CACNA1B: variants seen among roughly 807,000 people sequenced by gnomAD.
CACNA1B encodes voltage-dependent N-type calcium channel subunit alpha-1B.
CACNA1B carries 70 observed loss-of-function variants against 247.2 expected under a neutral mutation model. That is an observed-to-expected ratio of 0.28 (90% CI 0.23 to 0.35). CACNA1B has a LOEUF of 0.35. Among genes scored for constraint, CACNA1B ranks in the 10% least tolerant of loss-of-function variants. The pLI, the probability that CACNA1B is intolerant of heterozygous loss-of-function variation, is 1.00. For synonymous variants in CACNA1B, 1,231 were observed against 1,294.4 expected, an observed-to-expected ratio of 0.95 and a Z score of 1.05; for missense variants, 2,367 against 3,197.4, an observed-to-expected ratio of 0.74 and a Z score of 6.26.
chr9:137,991,170 A>G (rs1043717346), intron 15 of CACNA1B, among the ~76,000 whole-genome samples: 22 of 152,218 alleles, frequency 1.4e-4, no homozygotes, highest in Non-Finnish European at 2.5e-4. Context: ...GTGAAATTCA[A>G]CTTAAAGAAA....
chr9:138,058,036 C>A lies in CACNA1B; in HGVS notation c.4107-13C>A. The A allele has an allele frequency of 1.9e-6, 3 of 1,611,150 alleles. No homozygotes were observed. In the South Asian group the frequency reaches 3.3e-5, roughly 18 times the overall value. On this transcript the variant is annotated splice_polypyrimidine_tract_variant and intron_variant, in intron 27 of 46. Coordinates refer to ENST00000371372, the MANE Select transcript of CACNA1B (RefSeq NM_000718.4). This position sits in a 1 kb window ranked among gnomAD's most constrained non-coding sequence, Gnocchi z 4.7. ...TGGGGGTTCCCCTGACACTTGCTCT[C>A]CTCTTTGCCCAGGGTGCTGAAACAC...
chr9:138,043,962 G>C, intron 21 of CACNA1B, 62 bp downstream of exon 21: 5 of 1,583,810 alleles, frequency 3.2e-6, no homozygotes, highest in Non-Finnish European at 4.3e-6. Context: ...ATGACCCGTG[G>C]GATCTCAGTA....
intron 3 of CACNA1B, chr9:137,892,156 CCCTTG>C (rs1263404355): frequency 2.2e-6 from 1 of 456,960 alleles, no homozygotes; most frequent in Non-Finnish European, 4.4e-6. Flanking sequence ...CAGGCTCATT[CCCTTG>C]AACGACTGGA....
chr9:138,118,484 G>C (rs1179998711), intron 43 of CACNA1B, among the ~76,000 whole-genome samples, 168 bp from the exon 44 acceptor site: 15 of 150,088 alleles, frequency 1.0e-4, no homozygotes, highest in African/African-American at 3.4e-4. Context: ...AACAGGGATG[G>C]GGGGTGTGTG....
At chr9:137,894,336 A>G (rs1275664421) in intron 3 of CACNA1B, among the ~76,000 whole-genome samples, 1 of 134,328 alleles carries the variant, frequency 7.4e-6, no homozygotes, top group Non-Finnish European at 1.5e-5. Context: ...ATTCTGATAG[A>G]TATGTCGTGA....
intron 6 of CACNA1B, among the ~76,000 whole-genome samples, chr9:137,934,372 T>C (rs1031068129): frequency 2.0e-5 from 3 of 152,170 alleles, no homozygotes; most frequent in Non-Finnish European, 4.4e-5. Flanking sequence ...GATCCCTCTT[T>C]CCATGTTTTA....
chr9:137,931,406 C>T lies in CACNA1B; in HGVS notation c.966+13975C>T, dbSNP rs142179531. 3.6e-3 allele frequency among the ~76,000 whole-genome samples: 554 copies of T among 152,078 alleles called. 2 individuals carry two copies. The highest frequency in any genetic ancestry group is 0.01 in the Middle Eastern group (3 of 294). On this transcript the variant is annotated intron_variant, in intron 6 of 46. Transcript: ENST00000371372. ...TCAGGTACTTTCCATTTTTCGTCTG[C>T]GATACAGTGGAATGGGGGGCGTTGC...
At position 138,063,444 on chromosome 9, in the gene CACNA1B, T is replaced by G. The variant is rs371118834; in HGVS notation, c.4668+3707T>G. 6.5e-4 allele frequency among the ~76,000 whole-genome samples: 99 copies of G among 152,206 alleles called. 2 individuals carry two copies. The highest frequency in any genetic ancestry group is 2.2e-3 in the African/African-American group (91 of 41,456). On this transcript the variant is annotated intron_variant, in intron 31 of 46. Coordinates refer to ENST00000371372, the MANE Select transcript of CACNA1B (RefSeq NM_000718.4). The stretch of plus-strand genomic sequence containing the variant: ...AGGAAGTCAAGGCTGCAGTGAGCTA[T>G]GATCGCACCACTGCACTCCAGCCTG...
Position 138,121,828 on chromosome 9 carries a change from T to C in CACNA1B, c.6849T>C (p.Ala2283=). ...AGGACACTCTCACTTTCGAGGAGGC[T>C]GTGGCCACCAACTCGGGCCGCTCCT... ...LPEDTLTFEE[A]VATNSGRSSR... Residue 2283 remains alanine, a synonymous_variant, in exon 47 of 47, where the codon GCT becomes GCC. Coordinates refer to ENST00000371372, the MANE Select transcript of CACNA1B (RefSeq NM_000718.4). The surrounding 1 kb of genome is among the most constrained non-coding windows in gnomAD (Gnocchi z 6.8). 1 of 1,613,342 alleles carries C rather than the reference T, an allele frequency of 6.2e-7. No homozygotes were observed. Among genetic ancestry groups the C allele is most frequent in the Non-Finnish European group, 8.5e-7 (1 of 1,179,860 alleles).
At chr9:138,069,068 G>C (rs1053943026) in intron 31 of CACNA1B, among the ~76,000 whole-genome samples, 17 of 152,230 alleles carry the variant, frequency 1.1e-4, no homozygotes, top group African/African-American at 4.1e-4. Flanking sequence ...AAGCTCAGCT[G>C]TCCCCTGGCC....
chr9:138,094,143 T>A (rs1212663608), intron 36 of CACNA1B, among the ~76,000 whole-genome samples: 5 of 151,588 alleles, frequency 3.3e-5, no homozygotes, highest in Non-Finnish European at 7.4e-5. Flanking sequence ...CTTGAAGACG[T>A]TATGTTAGGT....
At chr9:138,115,769 T>G in intron 42 of CACNA1B, 90 bp downstream of exon 42, 1 of 1,353,694 alleles carries the variant, frequency 7.4e-7, no homozygotes, top group Non-Finnish European at 1.0e-6. Flanking sequence ...TCAACCTCCC[T>G]GGCCCTCACT....
In CACNA1B at chr9:138,053,934, T is replaced by G; in HGVS notation, c.3896T>G (p.Ile1299Ser). Residue 1299 changes from isoleucine (I) to serine (S), a missense_variant, in exon 26 of 47, where the codon ATT (isoleucine) becomes AGT (serine). Transcript: ENST00000371372. ...CTCTTCATGTTCATATTTGCCGTCA[T>G]TGCGGTGCAGCTCTTCAAAGGGAAG... ...YMLFMFIFAV[I>S]AVQLFKGKFF... The G allele has an allele frequency of 6.2e-7, 1 of 1,613,784 alleles. No individual in the cohort carries two copies. Among genetic ancestry groups the G allele is most frequent in the Non-Finnish European group, 8.5e-7 (1 of 1,179,686 alleles).
rs983938228 is a variant in CACNA1B at position 137,968,820 on chromosome 9, T to G, written c.1334-2563T>G. Among the ~76,000 whole-genome samples the G allele has an allele frequency of 3.9e-5, 6 of 152,252 alleles. No individual in the cohort carries two copies. The East Asian group carries it at 1.2e-3, about 29-fold the overall frequency. ...GTCAGGCCCTATTCTCAGCAGTACT[T>G]CACTGTGTCATCATTCATAGGTTAA... On this transcript the variant is annotated intron_variant, in intron 10 of 46. Transcript: ENST00000371372.
chr9:137,918,706 C>T (rs1363279257), intron 6 of CACNA1B, among the ~76,000 whole-genome samples: 1 of 152,138 alleles, frequency 6.6e-6, no homozygotes, highest in African/African-American at 2.4e-5. Context: ...GTGCCTCATG[C>T]GTTCATGGAG....
intron 3 of CACNA1B, among the ~76,000 whole-genome samples, chr9:137,905,388 A>G (rs938698367): frequency 6.6e-6 from 1 of 152,114 alleles, no homozygotes; most frequent in Non-Finnish European, 1.5e-5. Flanking sequence ...TCAACTTATG[A>G]AAAATTATAT....
At chr9:137,978,177 C>T (rs1332167003) in intron 12 of CACNA1B, among the ~76,000 whole-genome samples, 1 of 119,880 alleles carries the variant, frequency 8.3e-6, no homozygotes, top group African/African-American at 3.3e-5. Flanking sequence ...GAAGGAGTGA[C>T]AGGTGGGAGC....
rs1176580164 is a variant in CACNA1B at position 137,899,079 on chromosome 9, TTC to T, written c.531-14095_531-14094del. 6.6e-6 allele frequency among the ~76,000 whole-genome samples: 1 copy of T among 151,806 alleles called. No individual in the cohort carries two copies. Among genetic ancestry groups the T allele is most frequent in the Non-Finnish European group, 1.5e-5 (1 of 67,930 alleles). On this transcript the variant is annotated intron_variant, in intron 3 of 46. Transcript: ENST00000371372. The surrounding 1 kb of genome is among the most constrained non-coding windows in gnomAD (Gnocchi z 5.0). ...GAGCCACCCTGCCTGGCCTTCTTTT[TTC>T]TCTCTTTCTTTCTTTTTTTTTTGTC...
chr9:137,910,981 C>A (rs1179479470), intron 3 of CACNA1B, among the ~76,000 whole-genome samples: 1 of 152,022 alleles, frequency 6.6e-6, no homozygotes, highest in African/African-American at 2.4e-5. Context: ...TGAATATTTT[C>A]CCCTATGTTT....
Sources: gnomAD v4.1 joint callset for allele counts (sites outside exome capture counted in the v4.1 genomes callset) on GRCh38, gnomAD v4.1.1 for gene constraint, Gnocchi (gnomAD v3.1) non-coding constraint, MANE v1.5 for transcripts, NCBI Gene and HGNC (gene_info 2026-07-23, HGNC 2026-07-21) for gene names.